The following PLEKHA6 variants were observed in gnomAD, a reference collection of about 807,000 sequenced individuals.
PLEKHA6 encodes the protein pleckstrin homology domain-containing family A member 6.
Under a neutral mutation model 116.7 loss-of-function variants are expected in PLEKHA6, and 60 were observed. The observed-to-expected ratio is 0.51, with a 90% CI of 0.42 to 0.64. The LOEUF (loss-of-function observed/expected upper bound fraction) is 0.64. Ranked by LOEUF, PLEKHA6 falls within the 30% of genes least tolerant of loss-of-function variation. The pLI, the probability that PLEKHA6 is intolerant of heterozygous loss-of-function variation, is 0.00. For synonymous variants in PLEKHA6, 489 were observed against 556.1 expected, an observed-to-expected ratio of 0.88 and a Z score of 1.70; for missense variants, 1,338 against 1,422.7, an observed-to-expected ratio of 0.94 and a Z score of 0.96.
At chr1:204,244,564 A>G (rs576780691) in intron 15 of PLEKHA6, among the ~76,000 whole-genome samples, 1 of 152,296 alleles carries the variant, frequency 6.6e-6, no homozygotes, top group South Asian at 2.1e-4. Context: ...CTATCCTGGT[A>G]TCATCCTAGA....
In PLEKHA6 at chr1:204,238,260, A is replaced by G. The variant is rs1390199792; in HGVS notation, c.2409+3115T>C. On this transcript the variant is annotated intron_variant, in intron 17 of 22. Coordinates refer to ENST00000272203, the MANE Select transcript of PLEKHA6 (RefSeq NM_014935.5). The surrounding 1 kb of genome is among the most constrained non-coding windows in gnomAD (Gnocchi z 4.2). ...TGGGCCATATGACCCAGCGGATCCA[A>G]TGGTGCTTGAGGTGTCAGTGACAGA... Among the ~76,000 whole-genome samples, 1 of 152,178 alleles carries G rather than the reference A, an allele frequency of 6.6e-6. No homozygotes were observed. Among genetic ancestry groups the G allele is most frequent in the South Asian group, 2.1e-4 (1 of 4,824 alleles).
At chr1:204,275,312 A>C (rs1322500612) in intron 1 of PLEKHA6, among the ~76,000 whole-genome samples, 1 of 152,184 alleles carries the variant, frequency 6.6e-6, no homozygotes, top group African/African-American at 2.4e-5. Context: ...ATGGGAGCTC[A>C]AAAAATTCCA....
At chr1:204,371,053 C>CAAAAA (rs34493461) in intron 2 of PLEKHA6, among the ~76,000 whole-genome samples, 15 of 68,482 alleles carry the variant, frequency 2.2e-4, no homozygotes, top group African/African-American at 8.9e-4. Flanking sequence ...GACTCTGCCT[C>CAAAAA]AAAAAAAAAA....
At chr1:204,246,864 A>G (rs1389405346) in intron 13 of PLEKHA6, among the ~76,000 whole-genome samples, 1 of 152,234 alleles carries the variant, frequency 6.6e-6, no homozygotes, top group Non-Finnish European at 1.5e-5. Flanking sequence ...TGCTGGGCAC[A>G]GTGGCTCATG....
In PLEKHA6 at chr1:204,241,386, G is replaced by C. The variant is rs769513561; in HGVS notation, c.2398C>G (p.Leu800Val). ...RRNASGLTNG[L>V]SSQERPKSAV... The stretch of plus-strand genomic sequence containing the variant: ...GCAGAGGTACCCACCTGGGAGGAGA[G>C]TCCATTGGTGAGCCCACTGGCATTC... Residue 800 changes from leucine to valine, a missense_variant, in exon 17 of 23, where the codon CTC becomes GTC. Transcript: ENST00000272203. 6.2e-7 allele frequency: 1 copy of C among 1,606,538 alleles called. No homozygotes were observed. Among genetic ancestry groups the C allele is most frequent in the African/African-American group, 1.3e-5 (1 of 74,756 alleles).
intron 5 of PLEKHA6, among the ~76,000 whole-genome samples, chr1:204,266,203 A>G (rs898266804): frequency 2.0e-5 from 3 of 152,192 alleles, no homozygotes; most frequent in Non-Finnish European, 2.9e-5. Flanking sequence ...AAACCAGAGT[A>G]GTAGGAGGCA....
Position 204,228,402 on chromosome 1 carries a change from G to T in PLEKHA6, c.2886-174C>A, listed in dbSNP as rs997452288. 6.6e-6 allele frequency among the ~76,000 whole-genome samples: 1 copy of T among 152,130 alleles called. No homozygotes were observed. The highest frequency in any genetic ancestry group is 1.5e-5 in the Non-Finnish European group (1 of 68,020). On this transcript the variant is annotated intron_variant, in intron 20 of 22. Coordinates refer to ENST00000272203, the MANE Select transcript of PLEKHA6 (RefSeq NM_014935.5). The surrounding 1 kb of genome is among the most constrained non-coding windows in gnomAD (Gnocchi z 4.0). ...GTGGGACCCTGGCAAAACACAGGTTGGGACCCCTACCTTCAATGTTCTCAA... is the reference window on the plus strand; with the variant it reads ...GTGGGACCCTGGCAAAACACAGGTTTGGACCCCTACCTTCAATGTTCTCAA...
chr1:204,352,766 C>T (rs1048773671), intron 1 of PLEKHA6, among the ~76,000 whole-genome samples: 3 of 152,202 alleles, frequency 2.0e-5, no homozygotes, highest in African/African-American at 7.2e-5. Context: ...AGGAGGATCA[C>T]TTGAGCCCAG....
chr1:204,331,388 GCAGCC>G (rs1010427400), intron 1 of PLEKHA6, among the ~76,000 whole-genome samples: 2 of 152,070 alleles, frequency 1.3e-5, no homozygotes, highest in Non-Finnish European at 2.9e-5. Flanking sequence ...AGTCCATGCT[GCAGCC>G]CAGCCCAGCC....
intron 1 of PLEKHA6, chr1:204,326,028 A>G: frequency 3.1e-6 from 1 of 320,910 alleles, no homozygotes; most frequent in Non-Finnish European, 4.5e-6. Context: ...TAATGCATCC[A>G]GCACAGGGAG....
intron 1 of PLEKHA6, among the ~76,000 whole-genome samples, chr1:204,293,511 A>T (rs951421328): frequency 1.3e-5 from 2 of 152,146 alleles, no homozygotes; most frequent in African/African-American, 4.8e-5. Flanking sequence ...AAATACCAAC[A>T]TTTCAAATAA....
At chr1:204,264,329 G>A (rs1666516275) in intron 6 of PLEKHA6, among the ~76,000 whole-genome samples, 1 of 152,174 alleles carries the variant, frequency 6.6e-6, no homozygotes. Flanking sequence ...GCTCCCCAGG[G>A]GTTCAAGGCA....
At chr1:204,280,617 G>T (rs1668498279) in intron 1 of PLEKHA6, among the ~76,000 whole-genome samples, 1 of 152,154 alleles carries the variant, frequency 6.6e-6, no homozygotes, top group Non-Finnish European at 1.5e-5. Flanking sequence ...GTGGAAAGGG[G>T]GTCCCATCCC....
chr1:204,346,887 G>C, intron 1 of PLEKHA6: 1 of 1,327,976 alleles, frequency 7.5e-7, no homozygotes, highest in Non-Finnish European at 1.1e-6. Flanking sequence ...GTTGAATCCA[G>C]GTAACTTTCT....
Position 204,359,694 on chromosome 1 carries a change from C to T in PLEKHA6, c.-95G>A, listed in dbSNP as rs1376470438. 5 of 978,428 alleles carry T rather than the reference C, an allele frequency of 5.1e-6. No homozygotes were observed. The highest frequency in any genetic ancestry group is 4.7e-5 in the South Asian group (1 of 21,170). 60.6% of individuals were successfully genotyped at this position (978,428 alleles called of 1,614,324 possible). A position where few individuals can be genotyped will look rare whatever the true frequency, so the allele number is the denominator to read the frequency against. ...ATGTGATGCATGAAAACAGACTCAC[C>T]GGCTTCTGAGGTGTGATCCCCGCGC... On this transcript the variant is annotated splice_region_variant and 5_prime_UTR_variant, in exon 1 of 23. Transcript: ENST00000272203.
intron 1 of PLEKHA6, among the ~76,000 whole-genome samples, chr1:204,286,337 C>T (rs1669172516): frequency 6.6e-6 from 1 of 152,096 alleles, no homozygotes; most frequent in African/African-American, 2.4e-5. Context: ...CACTGCTGTT[C>T]CCACCCCTGT....
At chr1:204,308,479 C>G (rs917405539) in intron 1 of PLEKHA6, among the ~76,000 whole-genome samples, 6 of 151,878 alleles carry the variant, frequency 4.0e-5, no homozygotes, top group Non-Finnish European at 7.4e-5. Flanking sequence ...CTCACTTGGA[C>G]CACTGATTGC....
At chr1:204,333,883 A>G (rs1365639417) in intron 1 of PLEKHA6, among the ~76,000 whole-genome samples, 1 of 152,230 alleles carries the variant, frequency 6.6e-6, no homozygotes, top group Non-Finnish European at 1.5e-5. Context: ...AAACTCCCTC[A>G]AAAACAAAAA....
intron 1 of PLEKHA6, among the ~76,000 whole-genome samples, chr1:204,330,791 G>T (rs540981857): frequency 6.6e-6 from 1 of 152,246 alleles, no homozygotes; most frequent in African/African-American, 2.4e-5. Context: ...TCTGTCTTTC[G>T]ATGTGAAGCA....
Sources: gnomAD v4.1 joint callset for allele counts (sites outside exome capture counted in the v4.1 genomes callset) on GRCh38, gnomAD v4.1.1 for gene constraint, Gnocchi (gnomAD v3.1) non-coding constraint, MANE v1.5 for transcripts, NCBI Gene and HGNC (gene_info 2026-07-23, HGNC 2026-07-21) for gene names.